The following TRIM9 variants were observed in gnomAD, a reference collection of about 807,000 sequenced individuals.
TRIM9 encodes the protein E3 ubiquitin-protein ligase TRIM9.
Under a neutral mutation model 78.3 loss-of-function variants are expected in TRIM9, and 26 were observed. That is an observed-to-expected ratio of 0.33 (90% CI 0.24 to 0.46). The LOEUF (loss-of-function observed/expected upper bound fraction) is 0.46, where lower values mean the gene tolerates loss of function less well. Among genes scored for constraint, TRIM9 ranks in the 20% least tolerant of loss-of-function variants. The pLI, the probability that TRIM9 is intolerant of heterozygous loss-of-function variation, is 1.00. For missense variants in TRIM9, 787 were observed against 1,036.4 expected (o/e 0.76, Z 3.30); for synonymous variants, 398 against 416.5 (o/e 0.96, Z 0.54).
intron 10 of TRIM9, chr14:50,982,647 A>G: frequency 2.3e-6 from 1 of 427,074 alleles, no homozygotes; most frequent in Non-Finnish European, 4.2e-6. Flanking sequence ...ACTAATTTTC[A>G]TGAGTGATTG....
chr14:50,988,889 C>T (rs2053112399), intron 7 of TRIM9, among the ~76,000 whole-genome samples: 1 of 152,154 alleles, frequency 6.6e-6, no homozygotes, highest in African/African-American at 2.4e-5. Flanking sequence ...AACTTAATAT[C>T]ATCAGAGGAG....
At chr14:51,021,235 A>G (rs1431928352) in intron 3 of TRIM9, among the ~76,000 whole-genome samples, 5 of 152,208 alleles carry the variant, frequency 3.3e-5, no homozygotes, top group Admixed American at 3.3e-4. Context: ...AGGCCTAACC[A>G]GATGGAACAA....
chr14:51,005,347 G>C (rs1290885237), intron 5 of TRIM9, among the ~76,000 whole-genome samples: 1 of 152,126 alleles, frequency 6.6e-6, no homozygotes, highest in Non-Finnish European at 1.5e-5. Flanking sequence ...GTGAGTAGAG[G>C]CACTTAAGGG....
At chr14:51,002,105 T>TTG (rs10569486) in intron 5 of TRIM9, among the ~76,000 whole-genome samples, 113 of 146,864 alleles carry the variant, frequency 7.7e-4, no homozygotes, top group East Asian at 2.2e-3. Context: ...AACCATGGTT[T>TTG]TGTGTGTGTG....
intron 1 of TRIM9, among the ~76,000 whole-genome samples, chr14:51,040,503 C>A (rs1472382746): frequency 6.6e-6 from 1 of 152,170 alleles, no homozygotes; most frequent in Non-Finnish European, 1.5e-5. Context: ...AGTGGCAATT[C>A]CTCAGAGGGA....
chr14:51,009,561 A>G (rs1344633211), intron 4 of TRIM9, among the ~76,000 whole-genome samples: 1 of 152,236 alleles, frequency 6.6e-6, no homozygotes, highest in Non-Finnish European at 1.5e-5. Context: ...TATGTTGGAA[A>G]CTAGTTAATT....
At chr14:51,015,948 T>C (rs8004486) in intron 3 of TRIM9, among the ~76,000 whole-genome samples, 31,098 of 152,188 alleles carry the variant, frequency 0.2, 3,481 homozygotes, top group Non-Finnish European at 0.26. Flanking sequence ...CTTCCCATTA[T>C]AGTTTAAAAC....
intron 7 of TRIM9, among the ~76,000 whole-genome samples, chr14:50,988,067 G>A (rs964654404): frequency 1.3e-5 from 2 of 152,278 alleles, no homozygotes; most frequent in Middle Eastern, 3.4e-3. Flanking sequence ...CTCCCAAAGT[G>A]CTGAGATTAC....
intron 6 of TRIM9, among the ~76,000 whole-genome samples, chr14:50,999,537 G>C (rs1464193312): frequency 1.3e-5 from 2 of 152,270 alleles, no homozygotes; most frequent in East Asian, 3.9e-4. Flanking sequence ...AATTGTAGAA[G>C]ACAAGGCCCC....
chr14:50,976,262 T>C lies in TRIM9; in HGVS notation c.*1029A>G, dbSNP rs902391764. On this transcript the variant is annotated 3_prime_UTR_variant, in exon 13 of 13. Transcript: ENST00000684578. ...ATAGTGCAGCTGAAAAGGCATTGAGTTGGTACATTTCTGGTGCTATGGCCA... is the reference window on the plus strand; with the variant it reads ...ATAGTGCAGCTGAAAAGGCATTGAGCTGGTACATTTCTGGTGCTATGGCCA... The C allele has an allele frequency of 2.0e-5, 3 of 152,530 alleles. No homozygotes were observed. The highest frequency in any genetic ancestry group is 7.2e-5 in the African/African-American group (3 of 41,406). The allele number at this position is 152,530 out of a possible 1,614,324, so 9.4% of individuals were successfully genotyped here. A position where few individuals can be genotyped will look rare whatever the true frequency, so the allele number is the denominator to read the frequency against.
intron 4 of TRIM9, 151 bp downstream of exon 4, chr14:51,010,233 G>A: frequency 1.8e-6 from 1 of 548,948 alleles, no homozygotes; most frequent in African/African-American, 1.9e-5. Context: ...TATTTAGCCG[G>A]CACTTACTTC....
chr14:51,035,878 A>T (rs1168093288), intron 1 of TRIM9, among the ~76,000 whole-genome samples: 3 of 152,246 alleles, frequency 2.0e-5, no homozygotes, highest in Non-Finnish European at 2.9e-5. Flanking sequence ...CTAACAACGC[A>T]CATAAAATGG....
chr14:51,079,682 T>C (rs1290535798), intron 1 of TRIM9, among the ~76,000 whole-genome samples: 2 of 152,238 alleles, frequency 1.3e-5, no homozygotes, highest in Non-Finnish European at 1.5e-5. Context: ...GGATCTTCAC[T>C]GGGAATGATG....
intron 1 of TRIM9, among the ~76,000 whole-genome samples, chr14:51,050,727 A>G (rs1428501612): frequency 1.3e-5 from 2 of 150,270 alleles, no homozygotes; most frequent in African/African-American, 4.9e-5. Context: ...CTTCTCCCTC[A>G]CTCTCTCTGT....
chr14:51,076,031 C>A (rs939312372), intron 1 of TRIM9, among the ~76,000 whole-genome samples: 3 of 152,144 alleles, frequency 2.0e-5, no homozygotes, highest in Admixed American at 6.5e-5. Context: ...GGCTGAATGA[C>A]CTTTGAATAA....
intron 1 of TRIM9, among the ~76,000 whole-genome samples, chr14:51,084,168 C>T (rs866503608): frequency 2.3e-5 from 3 of 130,184 alleles, no homozygotes; most frequent in African/African-American, 8.3e-5. Context: ...TCAAACTTTT[C>T]CACACTTTTT....
Position 51,040,584 on chromosome 14 carries a change from CTG to C in TRIM9, c.823-15226_823-15225del, listed in dbSNP as rs1230480475. Among the ~76,000 whole-genome samples, 4 of 152,352 alleles carry C rather than the reference CTG, an allele frequency of 2.6e-5. No homozygotes were observed. The East Asian group carries it at 7.7e-4, about 29-fold the overall frequency. ...TCCTCTGCTCATACTTTTACCCACT[CTG>C]AGAAGTGTCCTGCTTTTTAGAAAGG... On this transcript the variant is annotated intron_variant, in intron 1 of 12. Coordinates refer to ENST00000684578, the MANE Select transcript of TRIM9 (RefSeq NM_001387360.1).
intron 8 of TRIM9, among the ~76,000 whole-genome samples, chr14:50,985,478 T>C (rs534426798): frequency 6.6e-6 from 1 of 152,320 alleles, no homozygotes; most frequent in East Asian, 1.9e-4. Flanking sequence ...TTTACTTTTA[T>C]TGTACTTTGT....
Position 50,977,131 on chromosome 14 carries a change from G to T in TRIM9, c.*160C>A, listed in dbSNP as rs2051148270. 1 of 428,832 alleles carries T rather than the reference G, an allele frequency of 2.3e-6. No individual in the cohort carries two copies. Among genetic ancestry groups the T allele is most frequent in the East Asian group, 3.6e-5 (1 of 27,818 alleles). The allele number at this position is 428,832 out of a possible 1,614,324, so 26.6% of individuals were successfully genotyped here. A position where few individuals can be genotyped will look rare whatever the true frequency, so the allele number is the denominator to read the frequency against. The stretch of plus-strand genomic sequence containing the variant: ...GCGGAGGAGAGGTTGAAAGGGAAAA[G>T]GGCAGAGCTGTGGGTGTAAAGACTG... On this transcript the variant is annotated 3_prime_UTR_variant, in exon 13 of 13. Transcript: ENST00000684578.
Sources: gnomAD v4.1 joint callset for allele counts (sites outside exome capture counted in the v4.1 genomes callset) on GRCh38, gnomAD v4.1.1 for gene constraint, MANE v1.5 for transcripts, NCBI Gene and HGNC (gene_info 2026-07-23, HGNC 2026-07-21) for gene names.